ARHGAP15: variants seen among roughly 807,000 people sequenced by gnomAD.
ARHGAP15 encodes the protein rho GTPase-activating protein 15.
Under a neutral mutation model 63.7 loss-of-function variants are expected in ARHGAP15, and 51 were observed. The observed-to-expected ratio is 0.80, with a 90% CI of 0.64 to 1.01. The LOEUF (loss-of-function observed/expected upper bound fraction) is 1.01, where lower values mean the gene tolerates loss of function less well. Among genes scored for constraint, ARHGAP15 ranks in the 50% least tolerant of loss-of-function variants. The pLI is 0.00. For synonymous variants in ARHGAP15, 191 were observed against 193.8 expected, an observed-to-expected ratio of 0.99 and a Z score of 0.12; for missense variants, 560 against 564.6, an observed-to-expected ratio of 0.99 and a Z score of 0.08.
At chr2:143,649,069 GT>G (rs1375724747) in intron 12 of ARHGAP15, among the ~76,000 whole-genome samples, 3 of 151,888 alleles carry the variant, frequency 2.0e-5, no homozygotes, top group Non-Finnish European at 4.4e-5. Flanking sequence ...CATAGTCAGG[GT>G]CATAGAGAGC....
chr2:143,666,266 A>T (rs944570764), intron 12 of ARHGAP15, among the ~76,000 whole-genome samples: 5 of 146,496 alleles, frequency 3.4e-5, no homozygotes, highest in African/African-American at 1.2e-4. Flanking sequence ...ATAATGCCGC[A>T]TGTCTACAAC....
intron 11 of ARHGAP15, among the ~76,000 whole-genome samples, chr2:143,611,825 A>AT (rs1403899240): frequency 6.6e-6 from 1 of 152,218 alleles, no homozygotes; most frequent in Non-Finnish European, 1.5e-5. Context: ...GATAACTTGC[A>AT]TAACTAGCTA....
chr2:143,258,439 A>T (rs1574165613), intron 6 of ARHGAP15, among the ~76,000 whole-genome samples: 2 of 152,130 alleles, frequency 1.3e-5, no homozygotes, highest in Non-Finnish European at 2.9e-5. Flanking sequence ...TGAAAGGAAA[A>T]TGCCCACACT....
intron 6 of ARHGAP15, among the ~76,000 whole-genome samples, chr2:143,281,370 G>T (rs1681841587): frequency 6.6e-6 from 1 of 152,110 alleles, no homozygotes; most frequent in African/African-American, 2.4e-5. Context: ...CTTTTATACA[G>T]AAAGTGCTAA....
At chr2:143,607,396 T>C (rs1041772210) in intron 11 of ARHGAP15, 4 of 152,232 alleles carry the variant, frequency 2.6e-5, no homozygotes, top group African/African-American at 9.6e-5. Flanking sequence ...AGATGTCTTA[T>C]GAGTTTGCAA....
intron 12 of ARHGAP15, among the ~76,000 whole-genome samples, chr2:143,683,308 A>G (rs1683189574): frequency 6.6e-6 from 1 of 152,180 alleles, no homozygotes; most frequent in East Asian, 1.9e-4. Context: ...ATGATAAGAT[A>G]TATGTTGTAT....
intron 2 of ARHGAP15, among the ~76,000 whole-genome samples, chr2:143,159,876 T>C (rs1690223056): frequency 6.6e-6 from 1 of 151,940 alleles, no homozygotes; most frequent in Non-Finnish European, 1.5e-5. Context: ...GATCTGAAAA[T>C]GGATTAGTTT....
At chr2:143,702,343 G>A (rs1684126490) in intron 12 of ARHGAP15, among the ~76,000 whole-genome samples, 1 of 152,104 alleles carries the variant, frequency 6.6e-6, no homozygotes, top group Non-Finnish European at 1.5e-5. Context: ...AGAAATCAAT[G>A]TGGTATGCAG....
intron 13 of ARHGAP15, among the ~76,000 whole-genome samples, chr2:143,743,102 A>G (rs1686023620): frequency 6.6e-6 from 1 of 152,200 alleles, no homozygotes; most frequent in African/African-American, 2.4e-5. Flanking sequence ...CAGAGAAACC[A>G]AACAAACTGA....
At position 143,166,001 on chromosome 2, in the gene ARHGAP15, A is replaced by AGAAGGAAGGAAG. The variant is rs1553442877; in HGVS notation, c.165+10350_165+10361dup. ...AAGAAAGAAAGAAAGAAAGAAAGAA[A>AGAAGGAAGGAAG]GAAGGAAGGAAGGAAAAAAAGAAAG... On this transcript the variant is annotated intron_variant, in intron 2 of 13. Coordinates refer to ENST00000295095, the MANE Select transcript of ARHGAP15 (RefSeq NM_018460.4). 1.2e-3 allele frequency among the ~76,000 whole-genome samples: 119 copies of AGAAGGAAGGAAG among 101,136 alleles called. 1 individual carries two copies. Among genetic ancestry groups the AGAAGGAAGGAAG allele is most frequent in the South Asian group, 2.0e-3 (6 of 2,976 alleles). 66.3% of individuals were successfully genotyped at this position (101,136 alleles called of 152,430 possible).
At chr2:143,402,033 A>G (rs541567777) in intron 6 of ARHGAP15, among the ~76,000 whole-genome samples, 2 of 152,014 alleles carry the variant, frequency 1.3e-5, no homozygotes, top group African/African-American at 4.8e-5. Flanking sequence ...GAACAGAAGA[A>G]AGATATTCAC....
intron 13 of ARHGAP15, among the ~76,000 whole-genome samples, chr2:143,762,325 T>C (rs1021611242): frequency 2.6e-5 from 4 of 152,342 alleles, no homozygotes; most frequent in Middle Eastern, 6.8e-3. Context: ...TTAGTTCTTT[T>C]GCCTTTTGGC....
intron 13 of ARHGAP15, 54 bp downstream of exon 13, chr2:143,703,578 C>A: frequency 7.2e-7 from 1 of 1,393,434 alleles, no homozygotes; most frequent in Non-Finnish European, 1.0e-6. Flanking sequence ...CCTAAATGGG[C>A]AATATTGAAT....
rs150169508 is a variant in ARHGAP15, at chr2:143,605,253, A to G, written c.1004-18880A>G. ...TTTGACTAAATGCTCACAACAGCCC[A>G]GCAACTGAGGCTGAGATTAAGTGAT... On this transcript the variant is annotated intron_variant, in intron 11 of 13. Transcript: ENST00000295095. 1.4e-3 allele frequency among the ~76,000 whole-genome samples: 217 copies of G among 152,270 alleles called. 1 individual carries two copies. The highest frequency in any genetic ancestry group is 4.9e-3 in the African/African-American group (205 of 41,536).
At chr2:143,562,285 A>G (rs1696061225) in intron 11 of ARHGAP15, among the ~76,000 whole-genome samples, 1 of 152,232 alleles carries the variant, frequency 6.6e-6, no homozygotes. Flanking sequence ...GTGAGAAAGA[A>G]TGTGAACAAT....
intron 13 of ARHGAP15, among the ~76,000 whole-genome samples, chr2:143,750,603 C>T (rs937169920): frequency 6.6e-6 from 1 of 152,162 alleles, no homozygotes; most frequent in African/African-American, 2.4e-5. Context: ...AGATCACAGT[C>T]AGTACCTATA....
intron 6 of ARHGAP15, among the ~76,000 whole-genome samples, chr2:143,414,132 A>G (rs187817474): frequency 1.3e-5 from 2 of 151,418 alleles, no homozygotes; most frequent in Admixed American, 6.6e-5. Context: ...GTATACTTAT[A>G]TATGTAATTA....
chr2:143,501,250 C>T (rs911078430), intron 9 of ARHGAP15, among the ~76,000 whole-genome samples: 1 of 152,192 alleles, frequency 6.6e-6, no homozygotes, highest in African/African-American at 2.4e-5. Flanking sequence ...TCATTCATTC[C>T]CTGGACAGTG....
At chr2:143,239,847 T>C (rs1693792952) in intron 5 of ARHGAP15, among the ~76,000 whole-genome samples, 1 of 151,792 alleles carries the variant, frequency 6.6e-6, no homozygotes, top group African/African-American at 2.4e-5. Flanking sequence ...AAAAATTAGT[T>C]GGGTGTGGTG....
Sources: gnomAD v4.1 joint callset for allele counts (sites outside exome capture counted in the v4.1 genomes callset) on GRCh38, gnomAD v4.1.1 for gene constraint, MANE v1.5 for transcripts, NCBI Gene and HGNC (gene_info 2026-07-23, HGNC 2026-07-21) for gene names.